CARD19: variants seen among roughly 807,000 people sequenced by gnomAD.
The protein encoded by CARD19 is caspase recruitment domain family member 19.
Under a neutral mutation model 24.1 loss-of-function variants are expected in CARD19, and 25 were observed. The ratio of observed to expected loss-of-function variants is 1.04; its 90% CI spans 0.76 to 1.45. CARD19 has a LOEUF of 1.45. Ranked by LOEUF, CARD19 falls within the 40% of genes most tolerant of loss-of-function variation. CARD19 has a pLI of 0.00. For synonymous variants in CARD19, 103 were observed against 104.9 expected (o/e 0.98, Z 0.11); for missense variants, 241 against 247.4 (o/e 0.97, Z 0.17).
chr9:93,107,546 C>T, intron 1 of CARD19, 128 bp from the exon 2 acceptor site: 2 of 1,038,206 alleles, frequency 1.9e-6, no homozygotes, highest in Non-Finnish European at 2.8e-6. Flanking sequence ...TGTGATTCTG[C>T]AGGTTCACCC....
intron 3 of CARD19, chr9:93,111,156 G>A: frequency 1.5e-5 from 18 of 1,214,778 alleles, no homozygotes; most frequent in Non-Finnish European, 1.9e-5. Context: ...TCATTGCAGC[G>A]ATCTGCACAC....
intron 1 of CARD19, among the ~76,000 whole-genome samples, chr9:93,104,368 A>C (rs1478956068): frequency 6.6e-6 from 1 of 152,120 alleles, no homozygotes; most frequent in Admixed American, 6.5e-5. Flanking sequence ...TGTCTCCCAA[A>C]GTGGTTTTCT....
intron 1 of CARD19, among the ~76,000 whole-genome samples, chr9:93,097,081 T>G (rs1035314431): frequency 8.5e-5 from 13 of 152,200 alleles, no homozygotes; most frequent in Admixed American, 2.0e-4. Flanking sequence ...CCTGTGGACC[T>G]TCCCCTGTTG....
At chr9:93,110,960 G>A (rs780191735) in intron 3 of CARD19, 93 of 1,523,374 alleles carry the variant, frequency 6.1e-5, no homozygotes, top group South Asian at 2.8e-4. Context: ...CCCTTCCTCC[G>A]TCTCTCTCTC....
intron 1 of CARD19, among the ~76,000 whole-genome samples, chr9:93,106,589 AAC>A (rs2130720412): frequency 6.6e-6 from 1 of 151,708 alleles, no homozygotes; most frequent in African/African-American, 2.4e-5. Flanking sequence ...AAAAAAAAAA[AAC>A]AAAGTTTAAC....
intron 1 of CARD19, 73 bp from the exon 2 acceptor site, chr9:93,107,601 G>A: frequency 3.2e-6 from 5 of 1,563,116 alleles, no homozygotes; most frequent in Non-Finnish European, 4.4e-6. Context: ...CCTGTGGTCA[G>A]TGTCAGTACG....
At chr9:93,100,781 A>G (rs1188812659) in intron 1 of CARD19, among the ~76,000 whole-genome samples, 1 of 151,908 alleles carries the variant, frequency 6.6e-6, no homozygotes, top group East Asian at 1.9e-4. Context: ...TATGAATTTG[A>G]CCCCTCTAAG....
In CARD19 at chr9:93,096,807, A is replaced by G. The variant is rs1475874595; in HGVS notation, c.7+455A>G. Among the ~76,000 whole-genome samples, 2 of 152,010 alleles carry G rather than the reference A, an allele frequency of 1.3e-5. No homozygotes were observed. Among genetic ancestry groups the G allele is most frequent in the South Asian group, 2.1e-4 (1 of 4,824 alleles). ...ACGGAAACAACGCTCCATCCTTACA[A>G]CCACCCCAGCGAGGTCGCGGGACAG... On this transcript the variant is annotated intron_variant, in intron 1 of 5. Coordinates refer to ENST00000375464, the MANE Select transcript of CARD19 (RefSeq NM_032310.5). The surrounding 1 kb of genome is among the most constrained non-coding windows in gnomAD (Gnocchi z 5.4).
chr9:93,096,419 C>G lies in CARD19; in HGVS notation c.7+67C>G. 1 of 1,214,802 alleles carries G rather than the reference C, an allele frequency of 8.2e-7. No individual in the cohort carries two copies. The highest frequency in any genetic ancestry group is 1.0e-6 in the Non-Finnish European group (1 of 974,576). 75.3% of individuals were successfully genotyped at this position (1,214,802 alleles called of 1,614,324 possible). On this transcript the variant is annotated intron_variant, in intron 1 of 5. Coordinates refer to ENST00000375464, the MANE Select transcript of CARD19 (RefSeq NM_032310.5). The surrounding 1 kb of genome is among the most constrained non-coding windows in gnomAD (Gnocchi z 5.4). ...TGGATGGGTGGCCCGGCCCGGGGGT[C>G]CGGCTGCCTTGCGAGTCGCCTGCAG...
Position 93,107,635 on chromosome 9 carries a change from G to A in CARD19, c.8-39G>A, listed in dbSNP as rs762456392. On this transcript the variant is annotated intron_variant, in intron 1 of 5. Coordinates refer to ENST00000375464, the MANE Select transcript of CARD19 (RefSeq NM_032310.5). The stretch of plus-strand genomic sequence containing the variant: ...CGAGGCTGTCGTCTCTGGTCCCCTT[G>A]GGCTGTGCTGGCTCATGACCCTGTG... 1.2e-5 allele frequency: 20 copies of A among 1,611,890 alleles called. No individual in the cohort carries two copies. The South Asian group carries it at 2.1e-4, about 17-fold the overall frequency.
intron 2 of CARD19, among the ~76,000 whole-genome samples, chr9:93,109,287 A>AT (rs1827374108): frequency 6.8e-6 from 1 of 145,998 alleles, no homozygotes. Flanking sequence ...TCTGCCTGCC[A>AT]TTTTCACACT....
intron 2 of CARD19, chr9:93,109,118 A>G (rs1827368206): frequency 6.6e-6 from 1 of 152,270 alleles, no homozygotes; most frequent in Non-Finnish European, 1.5e-5. Context: ...TGAAGGTGGT[A>G]CAGTAATTTT....
At chr9:93,097,113 G>T (rs1826901116) in intron 1 of CARD19, among the ~76,000 whole-genome samples, 1 of 152,194 alleles carries the variant, frequency 6.6e-6, no homozygotes, top group Non-Finnish European at 1.5e-5. Flanking sequence ...TGAGGGTGAT[G>T]GGCTGGTAAG....
chr9:93,109,744 A>G (rs1266289576), intron 2 of CARD19: 2 of 152,236 alleles, frequency 1.3e-5, no homozygotes, highest in Non-Finnish European at 2.9e-5. Context: ...TGCTGGGATT[A>G]TAGGCATGAG....
rs759952500 is a variant in CARD19, at chr9:93,112,282, T to C, written c.429T>C (p.Tyr143=). The C allele has an allele frequency of 1.3e-6, 2 of 1,543,946 alleles. No homozygotes were observed. Among genetic ancestry groups the C allele is most frequent in the Non-Finnish European group, 1.7e-6 (2 of 1,146,970 alleles). Residue 143 remains tyrosine (Y), a synonymous_variant, in exon 5 of 6, where the codon TAT becomes TAC. Coordinates refer to ENST00000375464, the MANE Select transcript of CARD19 (RefSeq NM_032310.5). ...AVGLALLLYC[Y]PPDPKGLPGT... is the part of the protein sequence containing the mutation. ...GACTGGCCCTGCTCCTGTACTGCTATCCGCCAGGTGGGTGCAAGCGGATCC... is the reference window on the plus strand; with the variant it reads ...GACTGGCCCTGCTCCTGTACTGCTACCCGCCAGGTGGGTGCAAGCGGATCC...
Position 93,107,756 on chromosome 9 carries a change from G to C in CARD19, c.90G>C (p.Arg30Ser). 6.2e-7 allele frequency: 1 copy of C among 1,614,234 alleles called. No individual in the cohort carries two copies. Among genetic ancestry groups the C allele is most frequent in the South Asian group, 1.1e-5 (1 of 91,090 alleles). Residue 30 changes from arginine (R) to serine (S), a missense_variant, in exon 2 of 6, where the codon AGG becomes AGC. Coordinates refer to ENST00000375464, the MANE Select transcript of CARD19 (RefSeq NM_032310.5). ...GCTTGAGTGAGCAGCAGGTGGACAG[G>C]ATCATCCTCCAGCTGAACCGTTACT... is the stretch of plus-strand genomic sequence containing the variant. Reference protein sequence around the residue: ...HGRLSEQQVDRIILQLNRYYP... With the variant: ...HGRLSEQQVDSIILQLNRYYP...
At chr9:93,101,075 T>C (rs1167220286) in intron 1 of CARD19, among the ~76,000 whole-genome samples, 3 of 150,978 alleles carry the variant, frequency 2.0e-5, no homozygotes, top group African/African-American at 7.4e-5. Flanking sequence ...TGCATTTATT[T>C]ATTTATTTAT....
At chr9:93,105,889 C>T (rs923273323) in intron 1 of CARD19, among the ~76,000 whole-genome samples, 3 of 152,112 alleles carry the variant, frequency 2.0e-5, no homozygotes, top group Non-Finnish European at 2.9e-5. Context: ...GTGGTTCTGT[C>T]TCTTACTGAA....
At chr9:93,106,417 A>AAAAAAAAAAAG (rs1827256483) in intron 1 of CARD19, among the ~76,000 whole-genome samples, 1 of 147,998 alleles carries the variant, frequency 6.8e-6, no homozygotes, top group Non-Finnish European at 1.5e-5. Flanking sequence ...TCTCTACTAA[A>AAAAAAAAAAAG]AAAAAAAAAA....
Sources: allele counts gnomAD v4.1 joint callset (sites outside exome capture counted in the v4.1 genomes callset), GRCh38; gene constraint gnomAD v4.1.1; non-coding constraint Gnocchi (gnomAD v3.1); transcripts MANE v1.5; gene names NCBI Gene and HGNC (gene_info 2026-07-23, HGNC 2026-07-21).